Variants in PACS2 observed in about 807,000 individuals in gnomAD.
PACS2 encodes phosphofurin acidic cluster sorting protein 2.
In PACS2, 36 loss-of-function variants were observed where a neutral mutation model predicts 113.0. The observed-to-expected ratio is 0.32, with a 90% confidence interval of 0.24 to 0.42. The LOEUF (loss-of-function observed/expected upper bound fraction) is 0.42, where lower values mean the gene tolerates loss of function less well. PACS2 is among the 10% of genes least tolerant of loss of function. PACS2 has a pLI of 1.00. For synonymous variants in PACS2, 589 were observed against 536.1 expected, an observed-to-expected ratio of 1.10 and a Z score of -1.36; for missense variants, 1,015 against 1,239.5, an observed-to-expected ratio of 0.82 and a Z score of 2.72.
At chr14:105,349,801 G>A (rs1010779491) in intron 2 of PACS2, among the ~76,000 whole-genome samples, 6 of 152,324 alleles carry the variant, frequency 3.9e-5, no homozygotes, top group South Asian at 2.1e-4. Flanking sequence ...TTCCAGGAGC[G>A]TGTGGCTAAT....
Position 105,324,705 on chromosome 14 carries a change from G to A in PACS2, c.119+9668G>A, listed in dbSNP as rs947018592. 2.0e-5 allele frequency among the ~76,000 whole-genome samples: 3 copies of A among 152,166 alleles called. No individual in the cohort carries two copies. Among genetic ancestry groups the A allele is most frequent in the African/African-American group, 7.2e-5 (3 of 41,436 alleles). On this transcript the variant is annotated intron_variant, in intron 1 of 24. Coordinates refer to ENST00000447393, the MANE Select transcript of PACS2 (RefSeq NM_001100913.3). The surrounding 1 kb of genome is among the most constrained non-coding windows in gnomAD (Gnocchi z 4.7). ...CTCCTCGAGGGCTCCGGCCTGTGGA[G>A]GCCGGTGGCGCCCCGTCTCACCCCA...
chr14:105,325,171 G>GGGA (rs1364715093), intron 1 of PACS2, among the ~76,000 whole-genome samples: 1 of 151,384 alleles, frequency 6.6e-6, no homozygotes, highest in African/African-American at 2.4e-5. Context: ...TGGTGGGACG[G>GGGA]GGGGGGGCTC....
chr14:105,391,149 G>C, intron 20 of PACS2, 58 bp from the exon 21 acceptor site: 1 of 1,393,014 alleles, frequency 7.2e-7, no homozygotes, highest in Non-Finnish European at 1.0e-6. Context: ...CCCACTGGGA[G>C]GGCGCTGGGC....
chr14:105,331,036 A>G (rs1013932728), intron 1 of PACS2, among the ~76,000 whole-genome samples: 1 of 151,572 alleles, frequency 6.6e-6, no homozygotes, highest in African/African-American at 2.4e-5. Flanking sequence ...GCTCACTGCA[A>G]CCTTGCCTCC....
rs1555407897 is a variant in PACS2, at chr14:105,366,216, C to T, written c.424-997C>T. 6.6e-6 allele frequency among the ~76,000 whole-genome samples: 1 copy of T among 152,146 alleles called. No homozygotes were observed. Among genetic ancestry groups the T allele is most frequent in the Non-Finnish European group, 1.5e-5 (1 of 68,030 alleles). On this transcript the variant is annotated intron_variant, in intron 4 of 24. Transcript: ENST00000447393. This position sits in a 1 kb window ranked among gnomAD's most constrained non-coding sequence, Gnocchi z 4.3. ...TACAAAACTTAGCTGGGCGTGCTGG[C>T]AGATGCCTGTAATCCCAGGTACTTG...
intron 24 of PACS2, among the ~76,000 whole-genome samples, chr14:105,393,790 C>T (rs587658774): frequency 2.0e-5 from 3 of 151,918 alleles, no homozygotes; most frequent in East Asian, 1.9e-4. Context: ...GGGGTTTTAC[C>T]GTGTTGGCCA....
intron 1 of PACS2, among the ~76,000 whole-genome samples, chr14:105,344,176 C>T (rs773451630): frequency 7.9e-5 from 12 of 151,278 alleles, no homozygotes; most frequent in Admixed American, 2.0e-4. Context: ...CTCAGCTTCC[C>T]GAAGTGTTGG....
At position 105,367,221 on chromosome 14, in the gene PACS2, A is replaced by C; in HGVS notation, c.432A>C (p.Gln144His). Reference protein sequence around the residue: ...AGSISMAEVMQHPSEGGQVLS... With the variant: ...AGSISMAEVMHHPSEGGQVLS... ...GTGCCCCTGGCCTGCAGGTGATGCA[A>C]CACCCGTCTGAAGGTGGCCAGGTGC... The change falls in exon 5 of 25, where the codon CAA (glutamine) becomes CAC (histidine). Residue 144 changes from glutamine to histidine, a missense_variant. By Grantham distance (24) the Gln-to-His change is conservative. This residue lies in a region of PACS2 where 859 missense variants were observed against 1,056.8 expected (regional missense o/e 0.81). Coordinates refer to ENST00000447393, the MANE Select transcript of PACS2 (RefSeq NM_001100913.3). 6.2e-7 allele frequency: 1 copy of C among 1,612,904 alleles called. No individual in the cohort carries two copies. Among genetic ancestry groups the C allele is most frequent in the South Asian group, 1.1e-5 (1 of 91,070 alleles).
intron 1 of PACS2, among the ~76,000 whole-genome samples, chr14:105,326,728 T>C (rs2059124305): frequency 6.6e-6 from 1 of 152,182 alleles, no homozygotes; most frequent in African/African-American, 2.4e-5. Context: ...GCTCTGGCCG[T>C]GAAGACCCAC....
chr14:105,334,496 T>C (rs2059428862), intron 1 of PACS2, among the ~76,000 whole-genome samples: 1 of 151,836 alleles, frequency 6.6e-6, no homozygotes, highest in East Asian at 1.9e-4. Context: ...AGTGTCTACG[T>C]AGAGCTCCAC....
chr14:105,364,379 GGGTGCGC>G (rs1466646916), intron 4 of PACS2, among the ~76,000 whole-genome samples: 1 of 118,992 alleles, frequency 8.4e-6, no homozygotes, highest in Non-Finnish European at 1.6e-5. Flanking sequence ...TGGGCGTCCC[GGGTGCGC>G]GGTGGGCGGT....
rs1019438256 is a variant in PACS2 at position 105,357,456 on chromosome 14, C to A, written c.423+2279C>A. ...AAGCCGAGGTCATCTGACTGCTCCTCGCTCTCCCCTCCAGCATCTCCTCCA... is the reference window on the plus strand; with the variant it reads ...AAGCCGAGGTCATCTGACTGCTCCTAGCTCTCCCCTCCAGCATCTCCTCCA... On this transcript the variant is annotated intron_variant, in intron 4 of 24. Coordinates refer to ENST00000447393, the MANE Select transcript of PACS2 (RefSeq NM_001100913.3). The surrounding 1 kb of genome is among the most constrained non-coding windows in gnomAD (Gnocchi z 5.1). 6.6e-6 allele frequency among the ~76,000 whole-genome samples: 1 copy of A among 152,156 alleles called. No individual in the cohort carries two copies. The highest frequency in any genetic ancestry group is 1.5e-5 in the Non-Finnish European group (1 of 68,032).
chr14:105,321,936 C>T (rs1595564672), intron 1 of PACS2, among the ~76,000 whole-genome samples: 1 of 149,876 alleles, frequency 6.7e-6, no homozygotes, highest in East Asian at 1.9e-4. Context: ...TCACTCTGAC[C>T]TTTTCTGACT....
rs143104606 is a variant in PACS2 at position 105,352,321 on chromosome 14, C to A, written c.208-57C>A. ...AGTGCAGGAGTCACGGTGTCTTTGC[C>A]TGGTTTCCTGCTGATATGCAGTCCT... On this transcript the variant is annotated intron_variant, in intron 2 of 24. Coordinates refer to ENST00000447393, the MANE Select transcript of PACS2 (RefSeq NM_001100913.3). 14 of 1,151,300 alleles carry A rather than the reference C, an allele frequency of 1.2e-5. No homozygotes were observed. In the African/African-American group the frequency reaches 2.1e-4, roughly 17 times the overall value. The allele number at this position is 1,151,300 out of a possible 1,614,324, so 71.3% of individuals were successfully genotyped here. A position where few individuals can be genotyped will look rare whatever the true frequency, so the allele number is the denominator to read the frequency against.
At chr14:105,325,839 G>A (rs1164317501) in intron 1 of PACS2, among the ~76,000 whole-genome samples, 3 of 152,254 alleles carry the variant, frequency 2.0e-5, no homozygotes, top group Admixed American at 2.0e-4. Flanking sequence ...GAAGGGCCCT[G>A]ACCTTGGGCT....
rs587690246 is a variant in PACS2, at chr14:105,356,770, G to A, written c.423+1593G>A. On this transcript the variant is annotated intron_variant, in intron 4 of 24. Transcript: ENST00000447393. This position sits in a 1 kb window ranked among gnomAD's most constrained non-coding sequence, Gnocchi z 4.0. ...CCCTGTGTTTCCCATTAGCCATGCA[G>A]GCGAGGTCCTGCTGATCCCTGCCGG... Among the ~76,000 whole-genome samples the A allele has an allele frequency of 1.3e-5, 2 of 151,098 alleles. No individual in the cohort carries two copies. The highest frequency in any genetic ancestry group is 4.3e-4 in the South Asian group (2 of 4,702).
chr14:105,362,382 A>T (rs753260013), intron 4 of PACS2, among the ~76,000 whole-genome samples: 12 of 148,730 alleles, frequency 8.1e-5, no homozygotes, highest in Non-Finnish European at 1.8e-4. Context: ...GCGCCACTGC[A>T]CTCCAGCCTG....
Position 105,376,956 on chromosome 14 carries a change from C to G in PACS2, c.959+31C>G, listed in dbSNP as rs587627557. 32 of 1,554,766 alleles carry G rather than the reference C, an allele frequency of 2.1e-5. No individual in the cohort carries two copies. The highest frequency in any genetic ancestry group is 5.6e-5 in the Admixed American group (3 of 53,684). Reference sequence around the variant, plus strand: ...CCCTACAGGGCGGGGCGGGGAGGAACAGCCATTTCAGATGCCCCGGCCACT... The same window carrying G: ...CCCTACAGGGCGGGGCGGGGAGGAAGAGCCATTTCAGATGCCCCGGCCACT... On this transcript the variant is annotated intron_variant, in intron 9 of 24. Transcript: ENST00000447393. The surrounding 1 kb of genome is among the most constrained non-coding windows in gnomAD (Gnocchi z 4.7).
In PACS2 at chr14:105,324,989, C is replaced by G. The variant is rs754539432; in HGVS notation, c.119+9952C>G. 6.6e-6 allele frequency among the ~76,000 whole-genome samples: 1 copy of G among 151,942 alleles called. No homozygotes were observed. The highest frequency in any genetic ancestry group is 1.5e-5 in the Non-Finnish European group (1 of 67,944). On this transcript the variant is annotated intron_variant, in intron 1 of 24. Coordinates refer to ENST00000447393, the MANE Select transcript of PACS2 (RefSeq NM_001100913.3). This position sits in a 1 kb window ranked among gnomAD's most constrained non-coding sequence, Gnocchi z 4.7. ...CACACGGGCCTGGGGCTGAGCAACC[C>G]GCTCTGGGCCTGGCTGTTCCGCTCC...
Sources: allele counts gnomAD v4.1 joint callset (sites outside exome capture counted in the v4.1 genomes callset), GRCh38; gene constraint gnomAD v4.1.1; regional missense constraint gnomAD v4.1.1; non-coding constraint Gnocchi (gnomAD v3.1); transcripts MANE v1.5; gene names NCBI Gene and HGNC (gene_info 2026-07-23, HGNC 2026-07-21).